PRTFDC1: variants seen among roughly 807,000 people sequenced by gnomAD.
The protein encoded by PRTFDC1 is phosphoribosyltransferase domain-containing protein 1.
Under a neutral mutation model 34.6 loss-of-function variants are expected in PRTFDC1, and 38 were observed. The observed-to-expected ratio is 1.10, with a 90% CI of 0.85 to 1.44. PRTFDC1 has a LOEUF of 1.44. Among genes scored for constraint, PRTFDC1 ranks in the 40% most tolerant of loss-of-function variants. PRTFDC1 has a pLI of 0.00. For synonymous variants in PRTFDC1, 93 were observed against 98.1 expected (o/e 0.95, Z 0.31); for missense variants, 270 against 283.0 (o/e 0.95, Z 0.33).
chr10:24,896,449 C>G (rs1419918012), intron 3 of PRTFDC1, among the ~76,000 whole-genome samples: 1 of 152,176 alleles, frequency 6.6e-6, no homozygotes, highest in Non-Finnish European at 1.5e-5. Flanking sequence ...GACTGCTCTT[C>G]TAGAGGGTGC....
At chr10:24,895,125 T>C (rs989316509) in intron 3 of PRTFDC1, among the ~76,000 whole-genome samples, 1 of 152,170 alleles carries the variant, frequency 6.6e-6, no homozygotes, top group Non-Finnish European at 1.5e-5. Context: ...TGTCTTGTTA[T>C]AAACTGAAAA....
At position 24,851,435 on chromosome 10, in the gene PRTFDC1, C is replaced by CA. The variant is rs1847487257; in HGVS notation, c.582dup (p.Val195CysfsTer10). ...TTGTAATCTAAGGCATATCCCACCACAAATAAGTTTGGAATCTCAAATCCA... is the reference window on the plus strand; with the variant it reads ...TTGTAATCTAAGGCATATCCCACCACAAAATAAGTTTGGAATCTCAAATCCA... On this transcript the variant is annotated frameshift_variant, in exon 8 of 9. Coordinates refer to ENST00000320152, the MANE Select transcript of PRTFDC1 (RefSeq NM_020200.7). LOFTEE classifies it high-confidence loss of function. 6.2e-7 allele frequency: 1 copy of CA among 1,609,680 alleles called. No individual in the cohort carries two copies. Among genetic ancestry groups the CA allele is most frequent in the African/African-American group, 1.3e-5 (1 of 74,336 alleles).
At chr10:24,911,423 G>A (rs565115883) in intron 3 of PRTFDC1, among the ~76,000 whole-genome samples, 22 of 152,328 alleles carry the variant, frequency 1.4e-4, no homozygotes, top group South Asian at 4.1e-4. Context: ...CATGCAGTCC[G>A]TTGCTTTGTA....
At chr10:24,938,172 T>A (rs1849085569) in intron 2 of PRTFDC1, among the ~76,000 whole-genome samples, 3 of 151,254 alleles carry the variant, frequency 2.0e-5, no homozygotes, top group African/African-American at 4.9e-5. Flanking sequence ...GTTGCAATGA[T>A]CTGAGATTGC....
intron 3 of PRTFDC1, among the ~76,000 whole-genome samples, chr10:24,923,231 C>T (rs1042643893): frequency 5.9e-5 from 9 of 152,352 alleles, no homozygotes; most frequent in African/African-American, 2.2e-4. Context: ...TATAGCTGAA[C>T]AAAAGGCAGC....
chr10:24,931,507 A>C (rs950000531), intron 3 of PRTFDC1, among the ~76,000 whole-genome samples: 1 of 152,034 alleles, frequency 6.6e-6, no homozygotes, highest in Non-Finnish European at 1.5e-5. Flanking sequence ...AAAAGGAAAG[A>C]GACAGAAGAT....
chr10:24,858,308 C>T, intron 5 of PRTFDC1, 84 bp downstream of exon 5: 1 of 1,476,684 alleles, frequency 6.8e-7, no homozygotes, highest in South Asian at 1.2e-5. Flanking sequence ...AATCCTTGGT[C>T]AATTTGATAA....
chr10:24,885,716 T>G (rs1260173559), intron 3 of PRTFDC1, among the ~76,000 whole-genome samples: 1 of 152,218 alleles, frequency 6.6e-6, no homozygotes, highest in Non-Finnish European at 1.5e-5. Flanking sequence ...GCAGCTTTAT[T>G]TGTAATTGCT....
At chr10:24,903,658 T>C (rs1260698016) in intron 3 of PRTFDC1, among the ~76,000 whole-genome samples, 1 of 151,928 alleles carries the variant, frequency 6.6e-6, no homozygotes, top group Non-Finnish European at 1.5e-5. Flanking sequence ...TCTGGTTTGA[T>C]ATTCTCTTCA....
chr10:24,910,892 ATT>A (rs554253291), intron 3 of PRTFDC1, among the ~76,000 whole-genome samples: 11 of 141,038 alleles, frequency 7.8e-5, no homozygotes, highest in Admixed American at 7.1e-5. Flanking sequence ...GAGTTAGGTA[ATT>A]TTTTTTTTTT....
At chr10:24,880,628 T>C (rs1186338092) in intron 3 of PRTFDC1, among the ~76,000 whole-genome samples, 1 of 152,224 alleles carries the variant, frequency 6.6e-6, no homozygotes, top group East Asian at 1.9e-4. Context: ...ATGAGGCATA[T>C]GGTTAAGAAG....
rs117100145 is a variant in PRTFDC1, at chr10:24,882,193, C to T, written c.340-10130G>A. Among the ~76,000 whole-genome samples the T allele has an allele frequency of 5.6e-3, 676 of 119,704 alleles. 7 individuals are homozygous for T. Among genetic ancestry groups the T allele is most frequent in the East Asian group, 0.025 (111 of 4,378 alleles). The allele number at this position is 119,704 out of a possible 152,430, so 78.5% of individuals were successfully genotyped here. On this transcript the variant is annotated intron_variant, in intron 3 of 8. Coordinates refer to ENST00000320152, the MANE Select transcript of PRTFDC1 (RefSeq NM_020200.7). ...CTTCACTCCAGCCTGGGTGACAGAGCGGATCTGCCTCAAAAAAAAAAAAAA... is the reference window on the plus strand; with the variant it reads ...CTTCACTCCAGCCTGGGTGACAGAGTGGATCTGCCTCAAAAAAAAAAAAAA...
chr10:24,940,815 C>A (rs970031257), intron 2 of PRTFDC1, among the ~76,000 whole-genome samples: 1 of 152,108 alleles, frequency 6.6e-6, no homozygotes, highest in Non-Finnish European at 1.5e-5. Context: ...CAATAATTAG[C>A]TATTGTACGA....
At chr10:24,903,983 C>T (rs924500913) in intron 3 of PRTFDC1, among the ~76,000 whole-genome samples, 5 of 151,966 alleles carry the variant, frequency 3.3e-5, no homozygotes, top group Admixed American at 1.3e-4. Context: ...GCTACTGCAC[C>T]GAGCTGGAGT....
At chr10:24,908,386 C>T (rs1054947310) in intron 3 of PRTFDC1, 4 of 1,310,740 alleles carry the variant, frequency 3.1e-6, no homozygotes, top group South Asian at 1.6e-5. Context: ...AGAAATACAT[C>T]ATCCAGCAGA....
chr10:24,914,974 C>T (rs921945554), intron 3 of PRTFDC1, among the ~76,000 whole-genome samples: 1 of 152,138 alleles, frequency 6.6e-6, no homozygotes, highest in African/African-American at 2.4e-5. Context: ...GGTTGAAAAA[C>T]TACCTACTGG....
At chr10:24,909,622 C>T (rs969998156) in intron 3 of PRTFDC1, among the ~76,000 whole-genome samples, 1 of 152,094 alleles carries the variant, frequency 6.6e-6, no homozygotes, top group Non-Finnish European at 1.5e-5. Flanking sequence ...AAAAAATCCC[C>T]TTGTTCGAAT....
chr10:24,865,501 C>T (rs1428584821), intron 4 of PRTFDC1, among the ~76,000 whole-genome samples: 2 of 152,082 alleles, frequency 1.3e-5, no homozygotes, highest in African/African-American at 4.8e-5. Context: ...TCATTTCCTC[C>T]CAGAAAGCCA....
At chr10:24,949,739 ATTTTTTTTTTTT>A (rs201933925) in intron 1 of PRTFDC1, among the ~76,000 whole-genome samples, 31 of 117,078 alleles carry the variant, frequency 2.6e-4, no homozygotes, top group Non-Finnish European at 4.0e-4. Context: ...TTATTTATTT[ATTTTTTTTTTTT>A]TTTTTAAGAA....
Sources: allele counts gnomAD v4.1 joint callset (sites outside exome capture counted in the v4.1 genomes callset), GRCh38; gene constraint gnomAD v4.1.1; transcripts MANE v1.5; gene names NCBI Gene and HGNC (gene_info 2026-07-23, HGNC 2026-07-21).